The following NTM variants were observed in gnomAD, a reference collection of about 807,000 sequenced individuals.
NTM encodes the protein neurotrimin.
In NTM, 13 loss-of-function variants were observed where a neutral mutation model predicts 42.1. That is an observed-to-expected ratio of 0.31 (90% CI 0.20 to 0.49). NTM has a LOEUF of 0.49. Ranked by LOEUF, NTM falls within the 20% of genes least tolerant of loss-of-function variation. The probability of loss-of-function intolerance (pLI) is 0.99; values close to 1 mark genes in which losing one functional copy is unlikely to be tolerated. For missense variants in NTM, 373 were observed against 452.8 expected (o/e 0.82, Z 1.60); for synonymous variants, 187 against 179.2 (o/e 1.04, Z -0.35).
At chr11:131,724,988 T>G (rs542307022) in intron 1 of NTM, among the ~76,000 whole-genome samples, 3 of 152,302 alleles carry the variant, frequency 2.0e-5, no homozygotes, top group East Asian at 3.9e-4. Context: ...GTTTACTGTC[T>G]GGGAACTCAG....
intron 1 of NTM, among the ~76,000 whole-genome samples, chr11:131,458,558 A>T (rs1951106627): frequency 6.6e-6 from 1 of 152,178 alleles, no homozygotes; most frequent in Non-Finnish European, 1.5e-5. Context: ...TCTAACACCC[A>T]GCAGGATTTT....
At chr11:131,965,869 T>G (rs564184626) in intron 2 of NTM, among the ~76,000 whole-genome samples, 46 of 144,934 alleles carry the variant, frequency 3.2e-4, no homozygotes, top group Admixed American at 1.2e-3. Flanking sequence ...GAATACTAAA[T>G]AGTACATGGA....
At chr11:131,377,585 A>G (rs1256926452) in intron 1 of NTM, among the ~76,000 whole-genome samples, 2 of 152,240 alleles carry the variant, frequency 1.3e-5, no homozygotes, top group Admixed American at 1.3e-4. Flanking sequence ...CAATCATCAC[A>G]TCTTAATTTA....
chr11:131,473,693 G>T (rs1190526325), intron 1 of NTM, among the ~76,000 whole-genome samples: 4 of 152,110 alleles, frequency 2.6e-5, no homozygotes, highest in African/African-American at 7.2e-5. Context: ...CAGCTCCATG[G>T]TGGAGAGGGA....
At chr11:131,552,822 A>AC (rs902770935) in intron 1 of NTM, among the ~76,000 whole-genome samples, 1 of 151,816 alleles carries the variant, frequency 6.6e-6, no homozygotes, top group Non-Finnish European at 1.5e-5. Flanking sequence ...CGTCTCAAAA[A>AC]AAAAAAAAAT....
intron 1 of NTM, among the ~76,000 whole-genome samples, chr11:131,809,630 A>G (rs954062929): frequency 3.3e-5 from 5 of 152,168 alleles, no homozygotes; most frequent in African/African-American, 1.2e-4. Context: ...CTGTTATCTC[A>G]GTTTTGTTGC....
intron 3 of NTM, among the ~76,000 whole-genome samples, chr11:132,196,891 C>T (rs1413674924): frequency 6.6e-6 from 1 of 152,106 alleles, no homozygotes; most frequent in Non-Finnish European, 1.5e-5. Flanking sequence ...TCACAATTTA[C>T]CCAAGTAACA....
At chr11:131,824,173 T>C (rs1410149128) in intron 1 of NTM, among the ~76,000 whole-genome samples, 1 of 152,216 alleles carries the variant, frequency 6.6e-6, no homozygotes, top group Non-Finnish European at 1.5e-5. Context: ...GAGGAAAAGT[T>C]AGTGGGCATA....
At chr11:132,144,796 A>G (rs977473059) in intron 2 of NTM, among the ~76,000 whole-genome samples, 1 of 152,212 alleles carries the variant, frequency 6.6e-6, no homozygotes, top group Non-Finnish European at 1.5e-5. Context: ...CTGCATTGCC[A>G]GAAAATGCAA....
chr11:131,397,193 C>T (rs532387976), intron 1 of NTM, among the ~76,000 whole-genome samples: 77 of 152,238 alleles, frequency 5.1e-4, no homozygotes, highest in African/African-American at 1.8e-3. Flanking sequence ...TTTTGACTCA[C>T]TGTCTCATTT....
chr11:131,876,933 A>T (rs1422997754), intron 1 of NTM, among the ~76,000 whole-genome samples: 1 of 151,088 alleles, frequency 6.6e-6, no homozygotes, highest in Non-Finnish European at 1.5e-5. Flanking sequence ...ATCTTGGCTC[A>T]CTGCAACCTC....
intron 1 of NTM, among the ~76,000 whole-genome samples, chr11:131,531,315 G>T (rs60377322): frequency 0.022 from 3,303 of 152,032 alleles, 125 homozygotes; most frequent in African/African-American, 0.073. Flanking sequence ...ATTTTTTTTG[G>T]GGGGGAGGTG....
At chr11:131,441,918 G>A (rs1949655398) in intron 1 of NTM, among the ~76,000 whole-genome samples, 1 of 152,174 alleles carries the variant, frequency 6.6e-6, no homozygotes, top group South Asian at 2.1e-4. Context: ...GAAAACACTG[G>A]AGGCCTGGAG....
At chr11:132,153,943 T>C (rs1171956794) in intron 3 of NTM, among the ~76,000 whole-genome samples, 1 of 152,186 alleles carries the variant, frequency 6.6e-6, no homozygotes, top group Non-Finnish European at 1.5e-5. Context: ...ACTACAAAGT[T>C]ATATTTCATG....
Position 132,211,984 on chromosome 11 carries a change from A to G in NTM, c.401-38A>G, listed in dbSNP as rs200787156. 22 of 1,595,228 alleles carry G rather than the reference A, an allele frequency of 1.4e-5. No homozygotes were observed. The Admixed American group carries it at 2.3e-4, about 16-fold the overall frequency. ...TGTTAAGACAACTAAGAAATGTTTCAGGAGGATTTTTATTTTCATTCTGTC... is the reference window on the plus strand; with the variant it reads ...TGTTAAGACAACTAAGAAATGTTTCGGGAGGATTTTTATTTTCATTCTGTC... On this transcript the variant is annotated intron_variant, in intron 3 of 8. Coordinates refer to ENST00000683400, the MANE Select transcript of NTM (RefSeq NM_001352005.2).
intron 1 of NTM, among the ~76,000 whole-genome samples, chr11:131,802,222 G>A (rs945929723): frequency 6.6e-6 from 1 of 152,046 alleles, no homozygotes; most frequent in African/African-American, 2.4e-5. Context: ...TTCAAGAGTG[G>A]CTAATGCCTC....
chr11:132,060,538 G>C (rs7941631), intron 2 of NTM, among the ~76,000 whole-genome samples: 41,135 of 152,088 alleles, frequency 0.27, 5,760 homozygotes, highest in Non-Finnish European at 0.3. Context: ...ACATTTTGCT[G>C]TTGGTAAACA....
At chr11:131,882,222 G>A (rs1477547668) in intron 1 of NTM, among the ~76,000 whole-genome samples, 4 of 152,300 alleles carry the variant, frequency 2.6e-5, no homozygotes, top group South Asian at 2.1e-4. Flanking sequence ...GTGAAAGAGC[G>A]AGATTTGAAC....
At chr11:132,054,761 A>G (rs573938658) in intron 2 of NTM, among the ~76,000 whole-genome samples, 1 of 152,368 alleles carries the variant, frequency 6.6e-6, no homozygotes, top group African/African-American at 2.4e-5. Context: ...GAATTGAAAA[A>G]GTGAATCTCT....
Sources: allele counts gnomAD v4.1 joint callset (sites outside exome capture counted in the v4.1 genomes callset), GRCh38; gene constraint gnomAD v4.1.1; transcripts MANE v1.5; gene names NCBI Gene and HGNC (gene_info 2026-07-23, HGNC 2026-07-21).